FAAH2: variants seen among roughly 807,000 people sequenced by gnomAD.
FAAH2 encodes fatty acid amide hydrolase 2, also known as fatty-acid amide hydrolase 2.
Under a neutral mutation model 36.9 loss-of-function variants are expected in FAAH2, and 60 were observed. The ratio of observed to expected loss-of-function variants is 1.63; its 90% confidence interval spans 1.32 to 2.02. The LOEUF (loss-of-function observed/expected upper bound fraction) is 2.02, where lower values mean the gene tolerates loss of function less well. Ranked by LOEUF, FAAH2 falls within the 30% of genes most tolerant of loss-of-function variation. The pLI is 0.00. For synonymous variants in FAAH2, 214 were observed against 143.8 expected (o/e 1.49, Z -3.49); for missense variants, 689 against 397.5 (o/e 1.73, Z -6.23).
rs983679049 is a variant in FAAH2 at position 57,489,104 on chromosome X, C to A, written c.*172C>A. ...TTTCCTTCTCTAACTGTTGGTCTTA[C>A]TAAAATGGTAATATTTGCTTCTTGC... On this transcript the variant is annotated 3_prime_UTR_variant, in exon 11 of 11. Transcript: ENST00000374900. 6.0e-6 allele frequency: 3 copies of A among 500,673 alleles called. No homozygotes were observed. The highest frequency in any genetic ancestry group is 9.1e-6 in the Non-Finnish European group (3 of 329,867). The allele number at this position is 500,673 out of a possible 1,213,427, so 41.3% of individuals were successfully genotyped here. A position where few individuals can be genotyped will look rare whatever the true frequency, so the allele number is the denominator to read the frequency against.
the FAAH2 span, among the ~76,000 whole-genome samples, chrX:57,162,353 C>T: frequency 5.4e-5 from 6 of 111,176 alleles, no homozygotes; most frequent in Non-Finnish European, 9.4e-5. Context: ...AGTTGCTCTT[C>T]TCGAGGAGTA....
chrX:57,302,742 T>A (rs958565733), intron 2 of FAAH2, among the ~76,000 whole-genome samples: 2 of 111,335 alleles, frequency 1.8e-5, no homozygotes, highest in Non-Finnish European at 3.8e-5. Flanking sequence ...TATATAGATT[T>A]TTTTAAAAAC....
At chrX:57,314,205 A>G (rs1405427787) in intron 3 of FAAH2, among the ~76,000 whole-genome samples, 2 of 111,971 alleles carry the variant, frequency 1.8e-5, no homozygotes, top group African/African-American at 6.5e-5. Context: ...TTAAATATGT[A>G]TGCACCCAAC....
At chrX:57,262,998 A>T in the FAAH2 span, among the ~76,000 whole-genome samples, 1 of 111,721 alleles carries the variant, frequency 9.0e-6, no homozygotes, top group Non-Finnish European at 1.9e-5. Context: ...TACAGCTCAC[A>T]TCACACATAA....
rs182840454 is a variant in FAAH2 at position 57,375,480 on chromosome X, C to A, written c.743-3171C>A. On this transcript the variant is annotated intron_variant, in intron 5 of 10. Coordinates refer to ENST00000374900, the MANE Select transcript of FAAH2 (RefSeq NM_174912.4). ...GAGTTGTATATTTCCAGGAACTTTT[C>A]CATCTCCTCTATGTTTTCTAGTTTA... 5.7e-5 allele frequency among the ~76,000 whole-genome samples: 6 copies of A among 105,348 alleles called. No individual in the cohort carries two copies. In the East Asian group the frequency reaches 1.8e-3, roughly 32 times the overall value. The allele number at this position is 105,348 out of a possible 115,157, so 91.5% of individuals were successfully genotyped here.
At chrX:57,447,316 C>T (rs1405639747) in intron 9 of FAAH2, among the ~76,000 whole-genome samples, 1 of 111,231 alleles carries the variant, frequency 9.0e-6, no homozygotes, top group East Asian at 2.8e-4. Flanking sequence ...CATTGAGTGT[C>T]TGTGGATTTT....
chrX:57,350,905 C>T (rs763571977), intron 5 of FAAH2, among the ~76,000 whole-genome samples: 1 of 111,326 alleles, frequency 9.0e-6, no homozygotes, highest in Non-Finnish European at 1.9e-5. Context: ...GGATTTAATT[C>T]TCCACTCACA....
intron 7 of FAAH2, among the ~76,000 whole-genome samples, chrX:57,390,288 C>T (rs991073841): frequency 1.8e-5 from 2 of 111,545 alleles, no homozygotes; most frequent in African/African-American, 6.5e-5. Flanking sequence ...CTTTTTCTCT[C>T]TATTTTCCTC....
intron 5 of FAAH2, among the ~76,000 whole-genome samples, chrX:57,344,904 G>A (rs1468026464): frequency 9.0e-6 from 1 of 110,821 alleles, no homozygotes; most frequent in Non-Finnish European, 1.9e-5. Flanking sequence ...ATTTGCTTAT[G>A]TTGAATTAAC....
At chrX:57,358,167 TA>T (rs2054206251) in intron 5 of FAAH2, among the ~76,000 whole-genome samples, 1 of 110,058 alleles carries the variant, frequency 9.1e-6, no homozygotes, top group African/African-American at 3.3e-5. Flanking sequence ...TTTTTTTTTT[TA>T]AATTTTATTT....
the FAAH2 span, among the ~76,000 whole-genome samples, chrX:57,265,756 C>T: frequency 9.0e-6 from 1 of 111,502 alleles, no homozygotes; most frequent in Non-Finnish European, 1.9e-5. Context: ...GATAACTTAG[C>T]CATTTTATCC....
the FAAH2 span, among the ~76,000 whole-genome samples, chrX:57,216,504 ATATATATATATATACGTATATG>A: frequency 4.8e-5 from 3 of 63,140 alleles, no homozygotes; most frequent in African/African-American, 2.7e-4. Flanking sequence ...ACGTATATGT[ATATATATATATATACGTATATG>A]TATATATATA....
chrX:57,419,584 A>C (rs181537064), intron 7 of FAAH2, among the ~76,000 whole-genome samples: 114 of 111,000 alleles, frequency 1.0e-3, no homozygotes, highest in African/African-American at 3.7e-3. Context: ...TTTCTTGTAA[A>C]TTTGTTTGAG....
chrX:57,252,551 C>T, the FAAH2 span, among the ~76,000 whole-genome samples: 3 of 111,980 alleles, frequency 2.7e-5, no homozygotes, highest in East Asian at 8.5e-4. Context: ...CCCTCTGGGA[C>T]AAAGCTTCCA....
chrX:57,226,709 G>A, the FAAH2 span, among the ~76,000 whole-genome samples: 2 of 112,097 alleles, frequency 1.8e-5, no homozygotes, highest in Admixed American at 9.4e-5. Context: ...TAGCAAGGCT[G>A]GGAAAGTTTT....
intron 7 of FAAH2, among the ~76,000 whole-genome samples, chrX:57,402,929 C>T (rs1033231178): frequency 3.0e-4 from 34 of 111,829 alleles, no homozygotes; most frequent in Admixed American, 1.0e-3. Context: ...GACAAACTCT[C>T]GGGCTGCAGT....
chrX:57,424,572 C>T (rs766473652), intron 7 of FAAH2, among the ~76,000 whole-genome samples: 1 of 111,759 alleles, frequency 8.9e-6, no homozygotes, highest in East Asian at 2.8e-4. Flanking sequence ...TTCACATATT[C>T]AGTACACTGC....
chrX:57,283,876 T>G (rs1423122304), upstream of FAAH2, among the ~76,000 whole-genome samples: 1 of 111,300 alleles, frequency 9.0e-6, no homozygotes, highest in Non-Finnish European at 1.9e-5. Flanking sequence ...CCGAGTAAAG[T>G]GTTTATGTGG....
At chrX:57,479,975 T>A (rs1309547556) in intron 10 of FAAH2, among the ~76,000 whole-genome samples, 1 of 111,795 alleles carries the variant, frequency 8.9e-6, no homozygotes, top group South Asian at 3.7e-4. Flanking sequence ...CAGAGAATAC[T>A]ACAAACACCG....
Sources: allele counts gnomAD v4.1 joint callset (sites outside exome capture counted in the v4.1 genomes callset), GRCh38; gene constraint gnomAD v4.1.1; transcripts MANE v1.5; gene names NCBI Gene and HGNC (gene_info 2026-07-23, HGNC 2026-07-21).